Variants in UNC13B observed in about 807,000 individuals in gnomAD.
The protein encoded by UNC13B is unc-13 homolog B.
A neutral mutation model predicts 211.0 loss-of-function variants in UNC13B; 144 were observed. That is an observed-to-expected ratio of 0.68 (90% CI 0.60 to 0.78). UNC13B has a LOEUF of 0.78. Ranked by LOEUF, UNC13B falls within the 30% of genes least tolerant of loss-of-function variation. The probability of loss-of-function intolerance (pLI) is 0.00; values close to 1 mark genes in which losing one functional copy is unlikely to be tolerated. For missense variants in UNC13B, 1,777 were observed against 2,002.0 expected, an observed-to-expected ratio of 0.89 and a Z score of 2.14; for synonymous variants, 709 against 725.8, an observed-to-expected ratio of 0.98 and a Z score of 0.37.
chr9:35,237,591 G>A, intron 4 of UNC13B, 112 bp from the exon 5 acceptor site: 1 of 1,366,192 alleles, frequency 7.3e-7, no homozygotes, highest in Non-Finnish European at 1.0e-6. Context: ...TTATCAGGAT[G>A]TGAATGGCCC....
rs1834586322 is a variant in UNC13B, at chr9:35,378,376, A to G, written c.10145A>G (p.Lys3382Arg). ...PYVTVQVSKT[K>R]KRTKTIFGNL... is the part of the protein sequence containing the mutation. ...GTGACTGTGCAAGTCAGCAAAACTAAGAAGCGTACCAAGACCATTTTTGGA... is the reference window on the plus strand; with the variant it reads ...GTGACTGTGCAAGTCAGCAAAACTAGGAAGCGTACCAAGACCATTTTTGGA... Residue 3382 changes from lysine to arginine, a missense_variant, in exon 17 of 40, where the codon AAG (lysine) becomes AGG (arginine). Coordinates refer to ENST00000635942, the MANE Select transcript of UNC13B (RefSeq NM_001371189.2). 6.2e-7 allele frequency: 1 copy of G among 1,614,058 alleles called. No homozygotes were observed. Among genetic ancestry groups the G allele is most frequent in the African/African-American group, 1.3e-5 (1 of 74,916 alleles).
chr9:35,211,999 C>T (rs1479247337), intron 1 of UNC13B, among the ~76,000 whole-genome samples: 1 of 152,102 alleles, frequency 6.6e-6, no homozygotes, highest in Non-Finnish European at 1.5e-5. Flanking sequence ...GCCACTGCAC[C>T]CACCCGGTAA....
rs34586347 is a variant in UNC13B at position 35,328,598 on chromosome 9, C to CCCTTCCTTCCTT, written c.9414+14665_9414+14676dup. Among the ~76,000 whole-genome samples the CCCTTCCTTCCTT allele has an allele frequency of 1.0e-3, 103 of 98,690 alleles. 3 individuals are homozygous for CCCTTCCTTCCTT. The highest frequency in any genetic ancestry group is 2.1e-3 in the African/African-American group (55 of 26,604). 64.7% of individuals were successfully genotyped at this position (98,690 alleles called of 152,430 possible). On this transcript the variant is annotated intron_variant, in intron 11 of 39. Transcript: ENST00000635942. ...GCCTGGCTTCTGGTTCTGAATTGTC[C>CCCTTCCTTCCTT]CCTTCCTTCCTTCCTTCCTTCCTTC...
chr9:35,253,845 G>A (rs1826660105), intron 6 of UNC13B, among the ~76,000 whole-genome samples: 1 of 152,148 alleles, frequency 6.6e-6, no homozygotes, highest in Admixed American at 6.5e-5. Context: ...CTTGGTTGTA[G>A]GATATGCTCT....
chr9:35,274,370 G>T, intron 7 of UNC13B, among the ~76,000 whole-genome samples: 1 of 152,102 alleles, frequency 6.6e-6, no homozygotes, highest in Middle Eastern at 3.2e-3. Flanking sequence ...ACCACACCCA[G>T]TCAAGAATTT....
intron 8 of UNC13B, among the ~76,000 whole-genome samples, chr9:35,296,226 C>T (rs568496371): frequency 6.6e-6 from 1 of 152,338 alleles, no homozygotes; most frequent in African/African-American, 2.4e-5. Flanking sequence ...CACTTCCTGA[C>T]TCAGTGAGTT....
chr9:35,364,974 A>G (rs1833683021), intron 11 of UNC13B, among the ~76,000 whole-genome samples: 1 of 152,218 alleles, frequency 6.6e-6, no homozygotes, highest in African/African-American at 2.4e-5. Context: ...TGAGCCCAGC[A>G]CGCATGTGTA....
chr9:35,281,484 A>G (rs1325094767), intron 7 of UNC13B, among the ~76,000 whole-genome samples: 1 of 152,064 alleles, frequency 6.6e-6, no homozygotes, highest in Non-Finnish European at 1.5e-5. Context: ...AGGAAGAAAC[A>G]TAAGTAGTAC....
At chr9:35,299,643 A>G (rs779152637) in intron 8 of UNC13B, among the ~76,000 whole-genome samples, 2 of 152,208 alleles carry the variant, frequency 1.3e-5, no homozygotes, top group Non-Finnish European at 2.9e-5. Flanking sequence ...TTTTTCTCAT[A>G]TGGAATAAAC....
intron 6 of UNC13B, among the ~76,000 whole-genome samples, chr9:35,248,723 G>A (rs957304389): frequency 5.3e-5 from 8 of 152,176 alleles, no homozygotes; most frequent in Non-Finnish European, 7.4e-5. Context: ...CTGAGAGACA[G>A]TTTGTTATAA....
At chr9:35,390,521 C>T (rs1835466953) in intron 25 of UNC13B, 108 bp from the exon 26 acceptor site, 1 of 1,242,488 alleles carries the variant, frequency 8.0e-7, no homozygotes, top group Admixed American at 1.9e-5. Context: ...CCCTAAGCAT[C>T]TCCTCTCTCC....
In UNC13B at chr9:35,398,625, C is replaced by T. The variant is rs17849222; in HGVS notation, c.11904C>T (p.Ser3968=). ...TGAATACGGTTCTGGATGAGCTCAG[C>T]ATGGTGTTTGGAAACAGGTCAGTGA... The part of the protein sequence containing the change: ...VKLNTVLDEL[S]MVFGNSFQVR... Residue 3968 remains serine (S), a synonymous_variant, in exon 32 of 40, where the codon AGC becomes AGT. Coordinates refer to ENST00000635942, the MANE Select transcript of UNC13B (RefSeq NM_001371189.2). 42 of 1,613,880 alleles carry T rather than the reference C, an allele frequency of 2.6e-5. 1 individual carries two copies. The East Asian group carries it at 9.1e-4, about 35-fold the overall frequency.
intron 7 of UNC13B, among the ~76,000 whole-genome samples, chr9:35,280,582 A>C (rs1261512983): frequency 6.6e-6 from 1 of 152,176 alleles, no homozygotes; most frequent in Non-Finnish European, 1.5e-5. Context: ...TAGGACTGTC[A>C]GTAAGGGTGG....
intron 1 of UNC13B, among the ~76,000 whole-genome samples, chr9:35,184,352 G>A (rs4879883): frequency 0.048 from 7,260 of 152,290 alleles, 408 homozygotes; most frequent in East Asian, 0.32. Context: ...GGGAGGCCAA[G>A]GCAGGCGGCT....
At chr9:35,289,757 A>T (rs1828991582) in intron 7 of UNC13B, among the ~76,000 whole-genome samples, 1 of 152,126 alleles carries the variant, frequency 6.6e-6, no homozygotes. Context: ...CGGGTGGATC[A>T]CTGGAGGTTA....
intron 5 of UNC13B, among the ~76,000 whole-genome samples, chr9:35,240,240 C>T (rs181200959): frequency 1.7e-3 from 256 of 152,268 alleles, no homozygotes; most frequent in Non-Finnish European, 3.1e-3. Context: ...CCTGACTTCC[C>T]GCAACAGTAT....
chr9:35,309,579 G>A (rs1187367329), intron 9 of UNC13B, among the ~76,000 whole-genome samples: 1 of 152,120 alleles, frequency 6.6e-6, no homozygotes, highest in Non-Finnish European at 1.5e-5. Context: ...CCACCACTCT[G>A]CCCTTCTTGC....
In UNC13B at chr9:35,234,448, T is replaced by C. The variant is rs371061100; in HGVS notation, c.153-2021T>C. On this transcript the variant is annotated intron_variant, in intron 3 of 39. Coordinates refer to ENST00000635942, the MANE Select transcript of UNC13B (RefSeq NM_001371189.2). ...GCAATTTTTCGATTCCATATTCAAA[T>C]GATGGATAAGTCCAATGGATTTGAG... Among the ~76,000 whole-genome samples the C allele has an allele frequency of 3.3e-4, 50 of 152,312 alleles. 2 individuals are homozygous for C. The South Asian group carries it at 9.7e-3, about 30-fold the overall frequency.
intron 7 of UNC13B, among the ~76,000 whole-genome samples, chr9:35,282,217 C>T (rs1828536147): frequency 6.6e-6 from 1 of 152,004 alleles, no homozygotes; most frequent in Non-Finnish European, 1.5e-5. Flanking sequence ...AAAGATAGAC[C>T]TTTGCCAACC....
Sources: gnomAD v4.1 joint callset for allele counts (sites outside exome capture counted in the v4.1 genomes callset) on GRCh38, gnomAD v4.1.1 for gene constraint, MANE v1.5 for transcripts, NCBI Gene and HGNC (gene_info 2026-07-23, HGNC 2026-07-21) for gene names.